The following SLC4A5 variants were observed in gnomAD, a reference collection of about 807,000 sequenced individuals.
SLC4A5 encodes the protein electrogenic sodium bicarbonate cotransporter 4.
A neutral mutation model predicts 120.4 loss-of-function variants in SLC4A5; 96 were observed. The ratio of observed to expected loss-of-function variants is 0.80; its 90% CI spans 0.68 to 0.94. The LOEUF (loss-of-function observed/expected upper bound fraction) is 0.94, where lower values mean the gene tolerates loss of function less well. Ranked by LOEUF, SLC4A5 falls within the 40% of genes least tolerant of loss-of-function variation. The pLI, the probability that SLC4A5 is intolerant of heterozygous loss-of-function variation, is 0.00. For missense variants in SLC4A5, 1,259 were observed against 1,459.5 expected, an observed-to-expected ratio of 0.86 and a Z score of 2.24; for synonymous variants, 550 against 571.1, an observed-to-expected ratio of 0.96 and a Z score of 0.53.
Position 74,227,151 on chromosome 2 carries a change from C to A in SLC4A5, c.2917-21G>T, listed in dbSNP as rs565732215. On this transcript the variant is annotated intron_variant, in intron 26 of 30. Transcript: ENST00000394019. The stretch of plus-strand genomic sequence containing the variant: ...CAGAACTAGGGGGACAGCGGGGGCT[C>A]AGCCAGGCAGCCAGACCCCGAGGGC... 9 of 1,583,636 alleles carry A rather than the reference C, an allele frequency of 5.7e-6. No homozygotes were observed. In the South Asian group the frequency reaches 1.0e-4, roughly 18 times the overall value.
At chr2:74,263,720 G>A (rs1001700694) in intron 10 of SLC4A5, among the ~76,000 whole-genome samples, 2 of 152,166 alleles carry the variant, frequency 1.3e-5, no homozygotes. Context: ...GGTTTGATGT[G>A]AAACTTTTGG....
intron 7 of SLC4A5, among the ~76,000 whole-genome samples, chr2:74,302,897 G>T (rs935212318): frequency 6.6e-6 from 1 of 152,110 alleles, no homozygotes; most frequent in Admixed American, 6.5e-5. Context: ...GGTGACAGGG[G>T]AACATCTCAG....
chr2:74,312,368 T>A (rs1313640724), intron 6 of SLC4A5, among the ~76,000 whole-genome samples: 3 of 151,956 alleles, frequency 2.0e-5, no homozygotes, highest in African/African-American at 7.3e-5. Context: ...TAGTTGGGAT[T>A]ACAGGTGCAT....
At chr2:74,281,893 G>C (rs1031168796) in intron 8 of SLC4A5, among the ~76,000 whole-genome samples, 7 of 152,262 alleles carry the variant, frequency 4.6e-5, no homozygotes, top group African/African-American at 1.7e-4. Flanking sequence ...GACCATAACC[G>C]TCTTGGAGCC....
In SLC4A5 at chr2:74,323,768, A is replaced by G. The variant is rs376870218; in HGVS notation, c.-3+4352T>C. Among the ~76,000 whole-genome samples the G allele has an allele frequency of 7.2e-5, 11 of 152,374 alleles. No individual in the cohort carries two copies. The East Asian group carries it at 1.2e-3, about 16-fold the overall frequency. ...ATAAACACTGATTTTTGAATGAACT[A>G]AAAATGGTGATGATATTCTACATTG... On this transcript the variant is annotated intron_variant, in intron 5 of 30. Coordinates refer to ENST00000394019, the Ensembl canonical transcript of SLC4A5.
Position 74,259,560 on chromosome 2 carries a change from T to C in SLC4A5, c.867+28A>G, listed in dbSNP as rs746534813. 130 of 1,613,190 alleles carry C rather than the reference T, an allele frequency of 8.1e-5. 3 individuals carry two copies. The highest frequency in any genetic ancestry group is 5.1e-4 in the South Asian group (46 of 91,056). On this transcript the variant is annotated intron_variant, in intron 12 of 30. Transcript: ENST00000394019. ...GACTTTTTCCTGCCCTGGCCCTCCATTGCAGCTAAGTGCAGGGGTTTTACT... is the reference window on the plus strand; with the variant it reads ...GACTTTTTCCTGCCCTGGCCCTCCACTGCAGCTAAGTGCAGGGGTTTTACT...
intron 3 of SLC4A5, among the ~76,000 whole-genome samples, chr2:74,334,442 C>T (rs578260848): frequency 6.6e-6 from 1 of 152,308 alleles, no homozygotes; most frequent in African/African-American, 2.4e-5. Flanking sequence ...CTTGCTACCT[C>T]GTGTATTCAA....
chr2:74,252,107 G>A, intron 16 of SLC4A5, 72 bp downstream of exon 16: 1 of 1,519,498 alleles, frequency 6.6e-7, no homozygotes, highest in Non-Finnish European at 9.0e-7. Context: ...GTTGGGAAAA[G>A]TCCCTAGAGG....
In SLC4A5 at chr2:74,248,492, G is replaced by T; in HGVS notation, c.1654-6C>A. On this transcript the variant is annotated splice_region_variant and splice_polypyrimidine_tract_variant and intron_variant, in intron 17 of 30. Transcript: ENST00000394019. ...AGGAAGCTCTCCATCACTCCCTGGGGGCACAAGGAATGTGTGGTTCAGCAT... is the reference window on the plus strand; with the variant it reads ...AGGAAGCTCTCCATCACTCCCTGGGTGCACAAGGAATGTGTGGTTCAGCAT... 6.2e-7 allele frequency: 1 copy of T among 1,613,798 alleles called. No homozygotes were observed. Among genetic ancestry groups the T allele is most frequent in the Non-Finnish European group, 8.5e-7 (1 of 1,179,868 alleles).
At chr2:74,248,598 G>T in intron 17 of SLC4A5, 112 bp from the exon 18 acceptor site, 1 of 1,284,106 alleles carries the variant, frequency 7.8e-7, no homozygotes, top group South Asian at 1.5e-5. Context: ...TTTATCCTTC[G>T]TTCTGGGCCC....
chr2:74,229,103 G>GATTTTTTTT (rs1573004987), intron 25 of SLC4A5, among the ~76,000 whole-genome samples: 1 of 2,582 alleles, frequency 3.9e-4, no homozygotes, highest in Non-Finnish European at 7.6e-4. Flanking sequence ...TTAGATTTGA[G>GATTTTTTTT]CTTTTTTTTT....
At chr2:74,330,622 A>T (rs1175883190) in intron 4 of SLC4A5, among the ~76,000 whole-genome samples, 1 of 137,358 alleles carries the variant, frequency 7.3e-6, no homozygotes, top group African/African-American at 2.8e-5. Flanking sequence ...GGAGGTGGTG[A>T]TGTCAGATGG....
At chr2:74,223,059 C>T in intron 28 of SLC4A5, 107 bp from the exon 29 acceptor site, 1 of 665,296 alleles carries the variant, frequency 1.5e-6, no homozygotes, top group South Asian at 1.9e-5. Context: ...GGCTGGAGTG[C>T]AGTGGTGCGA....
At chr2:74,342,526 C>G (rs1673651112) in exon 2 of SLC4A5, 1 of 152,204 alleles carries the variant, frequency 6.6e-6, no homozygotes, top group Non-Finnish European at 1.5e-5. Flanking sequence ...ATTCCAAATC[C>G]TGGGATGCCT....
chr2:74,238,308 G>A (rs551589081), intron 21 of SLC4A5, among the ~76,000 whole-genome samples: 3 of 152,166 alleles, frequency 2.0e-5, no homozygotes, highest in South Asian at 4.1e-4. Flanking sequence ...TTTGAAAGAC[G>A]TTAATTCTTC....
rs186681017 is a variant in SLC4A5 at position 74,234,327 on chromosome 2, C to T, written c.2434-764G>A. The stretch of plus-strand genomic sequence containing the variant: ...CCGAGTAGCTGGGACTACAAGCGCC[C>T]GCCACCACGCCCGGCTAATTTTTTA... On this transcript the variant is annotated intron_variant, in intron 22 of 30. Coordinates refer to ENST00000394019, the Ensembl canonical transcript of SLC4A5. 4.3e-4 allele frequency among the ~76,000 whole-genome samples: 66 copies of T among 152,176 alleles called. 2 individuals carry two copies. Among genetic ancestry groups the T allele is most frequent in the African/African-American group, 1.5e-3 (61 of 41,522 alleles).
At chr2:74,226,373 G>A (rs1430414494) in intron 27 of SLC4A5, among the ~76,000 whole-genome samples, 2 of 152,162 alleles carry the variant, frequency 1.3e-5, no homozygotes, top group African/African-American at 2.4e-5. Context: ...GATGCAACAT[G>A]TTGTTGGCTT....
chr2:74,300,509 C>T lies in SLC4A5; in HGVS notation c.271+3980G>A, dbSNP rs374631243. ...CTAGAAAAGAGAAATGTATGAATTT[C>T]CTTTTCCTTAATTCTCCCAGCTGCC... On this transcript the variant is annotated intron_variant, in intron 7 of 30. Coordinates refer to ENST00000394019, the Ensembl canonical transcript of SLC4A5. Among the ~76,000 whole-genome samples the T allele has an allele frequency of 4.6e-5, 7 of 152,300 alleles. No individual in the cohort carries two copies. The East Asian group carries it at 1.2e-3, about 25-fold the overall frequency.
At chr2:74,251,329 T>C (rs1021572357) in intron 16 of SLC4A5, among the ~76,000 whole-genome samples, 6 of 152,098 alleles carry the variant, frequency 3.9e-5, no homozygotes, top group African/African-American at 1.4e-4. Context: ...CAAGGGCATA[T>C]AAAACATGAC....
Sources: allele counts gnomAD v4.1 joint callset (sites outside exome capture counted in the v4.1 genomes callset), GRCh38; gene constraint gnomAD v4.1.1; transcripts MANE v1.5; gene names NCBI Gene and HGNC (gene_info 2026-07-23, HGNC 2026-07-21).